The following GRK7 variants were observed in gnomAD, a reference collection of about 807,000 sequenced individuals.
The protein encoded by GRK7 is G protein-coupled receptor kinase 7, also known as rhodopsin kinase GRK7.
A neutral mutation model predicts 34.1 loss-of-function variants in GRK7; 24 were observed. That is an observed-to-expected ratio of 0.70 (90% CI 0.51 to 0.99). The LOEUF (loss-of-function observed/expected upper bound fraction) is 0.99. Ranked by LOEUF, GRK7 falls within the 50% of genes least tolerant of loss-of-function variation. The probability of loss-of-function intolerance (pLI) is 0.00; values close to 1 mark genes in which losing one functional copy is unlikely to be tolerated. For synonymous variants in GRK7, 256 were observed against 279.4 expected, an observed-to-expected ratio of 0.92 and a Z score of 0.84; for missense variants, 644 against 707.3, an observed-to-expected ratio of 0.91 and a Z score of 1.02.
At chr3:141,775,469 A>G (rs1344597179) in intron 2 of GRK7, among the ~76,000 whole-genome samples, 2 of 152,218 alleles carry the variant, frequency 1.3e-5, no homozygotes, top group African/African-American at 4.8e-5. Flanking sequence ...ACAGATGATA[A>G]GAAAAACTCC....
the GRK7 span, among the ~76,000 whole-genome samples, chr3:141,755,243 C>T: frequency 6.6e-6 from 1 of 152,272 alleles, no homozygotes; most frequent in East Asian, 1.9e-4. Context: ...TGGCTTACAC[C>T]TATAATCCTA....
At chr3:141,786,913 A>G (rs1443762178) in intron 4 of GRK7, among the ~76,000 whole-genome samples, 3 of 152,162 alleles carry the variant, frequency 2.0e-5, no homozygotes, top group Non-Finnish European at 2.9e-5. Flanking sequence ...AGAAATGTAA[A>G]GCACAGAGGG....
chr3:141,765,542 A>T lies in GRK7; in HGVS notation c.-411A>T, dbSNP rs2084576979. On this transcript the variant is annotated 5_prime_UTR_variant, in exon 1 of 6. Coordinates refer to ENST00000682958, the MANE Select transcript of GRK7 (RefSeq NM_139209.3). Reference sequence around the variant, plus strand: ...AGAATGTGGCAGAAGTTAACGGTGTATCAGCTCCAGAGCCTGGAACTGAAG... The same window carrying T: ...AGAATGTGGCAGAAGTTAACGGTGTTTCAGCTCCAGAGCCTGGAACTGAAG... Among the ~76,000 whole-genome samples, 1 of 152,142 alleles carries T rather than the reference A, an allele frequency of 6.6e-6. No individual in the cohort carries two copies. Among genetic ancestry groups the T allele is most frequent in the African/African-American group, 2.4e-5 (1 of 41,438 alleles).
the GRK7 span, among the ~76,000 whole-genome samples, chr3:141,757,123 CTTCTTCTTTTTTTTTTTTTTT>C: frequency 4.6e-5 from 5 of 109,834 alleles, no homozygotes; most frequent in African/African-American, 1.4e-4. Context: ...ACGCTTAGAT[CTTCTTCTTTTTTTTTTTTTTT>C]TTCTTTTTTT....
At chr3:141,808,078 C>A (rs1435097165) in intron 5 of GRK7, among the ~76,000 whole-genome samples, 159 bp downstream of exon 5, 2 of 152,032 alleles carry the variant, frequency 1.3e-5, no homozygotes, top group African/African-American at 4.8e-5. Context: ...TACTTTCAAA[C>A]ACTATTAGCA....
rs371087666 is a variant in GRK7 at position 141,778,316 on chromosome 3, T to A, written c.32T>A (p.Ile11Asn). The change falls in exon 3 of 6, where the codon ATC becomes AAC. Residue 11 changes from isoleucine to asparagine, a missense_variant. Transcript: ENST00000682958. The surrounding 1 kb of genome is among the most constrained non-coding windows in gnomAD (Gnocchi z 4.1). MVDMGALDNL[I>N]ANTAYLQARK... ...GACATGGGGGCCCTGGACAACCTGA[T>A]CGCCAACACCGCCTACCTGCAGGCC... is the stretch of plus-strand genomic sequence containing the variant. 1 of 1,591,196 alleles carries A rather than the reference T, an allele frequency of 6.3e-7. No individual in the cohort carries two copies. The highest frequency in any genetic ancestry group is 1.3e-5 in the African/African-American group (1 of 74,528).
intron 4 of GRK7, among the ~76,000 whole-genome samples, chr3:141,798,568 G>T (rs1166315299): frequency 6.6e-6 from 1 of 152,178 alleles, no homozygotes; most frequent in Non-Finnish European, 1.5e-5. Flanking sequence ...CGGTTCTGAT[G>T]CTGCTGAGAC....
chr3:141,765,066 C>T lies in GRK7; in HGVS notation c.-887C>T, dbSNP rs1030842352. Among the ~76,000 whole-genome samples the T allele has an allele frequency of 6.6e-6, 1 of 152,212 alleles. No homozygotes were observed. Among genetic ancestry groups the T allele is most frequent in the Admixed American group, 6.5e-5 (1 of 15,276 alleles). On this transcript the variant is annotated 5_prime_UTR_variant, in exon 1 of 6. Transcript: ENST00000682958. ...TGTCCATCTGATTGTTGAAAACTTC[C>T]AGTGGCTTTCCATCTCACTCAGAAG...
chr3:141,780,940 C>A (rs1333161589), intron 4 of GRK7, 129 bp downstream of exon 4: 3 of 775,236 alleles, frequency 3.9e-6, no homozygotes, highest in Non-Finnish European at 6.2e-6. Flanking sequence ...AAAGCGCTTA[C>A]GTTGTCATCT....
At chr3:141,809,362 T>C (rs1199027269) in intron 5 of GRK7, among the ~76,000 whole-genome samples, 1 of 152,166 alleles carries the variant, frequency 6.6e-6, no homozygotes, top group Non-Finnish European at 1.5e-5. Context: ...ACTGTTAAAA[T>C]TGAAGCCAAG....
chr3:141,804,687 A>T (rs941634134), intron 4 of GRK7, among the ~76,000 whole-genome samples: 1 of 151,662 alleles, frequency 6.6e-6, no homozygotes, highest in African/African-American at 2.4e-5. Context: ...ACACACATAC[A>T]CACATGCTCT....
upstream of GRK7, among the ~76,000 whole-genome samples, chr3:141,760,944 C>G (rs2084553104): frequency 4.9e-5 from 1 of 20,460 alleles, no homozygotes; most frequent in Admixed American, 4.7e-4. Flanking sequence ...CAACCCCTGC[C>G]TTTTTTTGTT....
the GRK7 span, among the ~76,000 whole-genome samples, chr3:141,753,620 C>T: frequency 3.9e-5 from 6 of 152,296 alleles, no homozygotes; most frequent in Admixed American, 3.3e-4. Flanking sequence ...GCTCGCTGCT[C>T]CCCTCCTGCT....
chr3:141,766,238 A>G (rs917259237), intron 1 of GRK7, among the ~76,000 whole-genome samples: 1 of 151,572 alleles, frequency 6.6e-6, no homozygotes, highest in Non-Finnish European at 1.5e-5. Flanking sequence ...ATCTCAGCTC[A>G]CAGCAAGCTC....
At chr3:141,751,344 A>G in the GRK7 span, among the ~76,000 whole-genome samples, 2 of 152,162 alleles carry the variant, frequency 1.3e-5, no homozygotes, top group South Asian at 2.1e-4. Context: ...TGCCTGCTAT[A>G]TATGGGGCTT....
At chr3:141,760,485 T>A (rs1304424808), upstream of GRK7, among the ~76,000 whole-genome samples, 1 of 117,972 alleles carries the variant, frequency 8.5e-6, no homozygotes, top group Non-Finnish European at 1.7e-5. Flanking sequence ...AGAGATAGTT[T>A]GTTATAATTT....
chr3:141,807,496 A>T, intron 4 of GRK7, 149 bp from the exon 5 acceptor site: 1 of 702,586 alleles, frequency 1.4e-6, no homozygotes, highest in Non-Finnish European at 2.4e-6. Context: ...AGAATAGGTT[A>T]GACACATTGC....
chr3:141,794,350 G>C (rs551630844), intron 4 of GRK7, among the ~76,000 whole-genome samples: 2 of 152,342 alleles, frequency 1.3e-5, no homozygotes, highest in South Asian at 4.1e-4. Flanking sequence ...CCTGAAGAGG[G>C]GATTGGAGCC....
chr3:141,778,921 T>G lies in GRK7; in HGVS notation c.612+25T>G, dbSNP rs763615719. The stretch of plus-strand genomic sequence containing the variant: ...GGTAAGTGTCTCCCAGTAGCCAGGC[T>G]AGAAGGTGAAGCATAGAGCATGAAA... On this transcript the variant is annotated intron_variant, in intron 3 of 5. Coordinates refer to ENST00000682958, the MANE Select transcript of GRK7 (RefSeq NM_139209.3). This position sits in a 1 kb window ranked among gnomAD's most constrained non-coding sequence, Gnocchi z 4.1. 1.9e-6 allele frequency: 3 copies of G among 1,584,688 alleles called. No individual in the cohort carries two copies. In the Admixed American group the frequency reaches 5.5e-5, roughly 29 times the overall value.
Sources: gnomAD v4.1 joint callset for allele counts (sites outside exome capture counted in the v4.1 genomes callset) on GRCh38, gnomAD v4.1.1 for gene constraint, Gnocchi (gnomAD v3.1) non-coding constraint, MANE v1.5 for transcripts, NCBI Gene and HGNC (gene_info 2026-07-23, HGNC 2026-07-21) for gene names.